Variants in PDE1C observed in about 807,000 individuals in gnomAD.
PDE1C encodes phosphodiesterase 1C, also known as dual specificity calcium/calmodulin-dependent 3',5'-cyclic nucleotide phosphodiesterase 1C.
Under a neutral mutation model 93.1 loss-of-function variants are expected in PDE1C, and 62 were observed. The observed-to-expected ratio is 0.67, with a 90% confidence interval of 0.54 to 0.82. PDE1C has a LOEUF of 0.82. PDE1C is among the 40% of genes least tolerant of loss of function. The pLI is 0.00. For synonymous variants in PDE1C, 325 were observed against 310.1 expected (o/e 1.05, Z -0.50); for missense variants, 742 against 884.6 (o/e 0.84, Z 2.04).
chr7:32,138,996 A>C (rs759370147), intron 3 of PDE1C, among the ~76,000 whole-genome samples: 12 of 152,200 alleles, frequency 7.9e-5, no homozygotes, highest in Admixed American at 6.5e-4. Context: ...GTAATGGAGG[A>C]AAATGTACCT....
the PDE1C span, among the ~76,000 whole-genome samples, chr7:31,687,508 A>AG: frequency 1.3e-5 from 2 of 152,206 alleles, no homozygotes; most frequent in African/African-American, 4.8e-5. Flanking sequence ...GTTCTGTAAA[A>AG]GACTGAACCC....
chr7:32,044,935 G>A (rs868010793), intron 2 of PDE1C, among the ~76,000 whole-genome samples: 8 of 151,932 alleles, frequency 5.3e-5, no homozygotes, highest in Non-Finnish European at 1.0e-4. Context: ...CTACCCAGAC[G>A]AAGTGCCTGA....
intron 2 of PDE1C, among the ~76,000 whole-genome samples, chr7:31,920,273 A>G (rs1802433568): frequency 6.6e-6 from 1 of 152,140 alleles, no homozygotes; most frequent in African/African-American, 2.4e-5. Context: ...ACACACAGAT[A>G]TCTCCAGGAT....
intron 3 of PDE1C, among the ~76,000 whole-genome samples, chr7:32,101,625 C>A (rs940719331): frequency 1.3e-5 from 2 of 152,204 alleles, no homozygotes; most frequent in Non-Finnish European, 2.9e-5. Flanking sequence ...CTTTGCCTTA[C>A]ACAATGATTG....
intron 2 of PDE1C, among the ~76,000 whole-genome samples, chr7:31,912,363 G>A (rs372468367): frequency 6.6e-6 from 1 of 152,110 alleles, no homozygotes; most frequent in Admixed American, 6.6e-5. Flanking sequence ...GGGAGAGGAA[G>A]TACTATTTTT....
the PDE1C span, among the ~76,000 whole-genome samples, chr7:31,634,915 A>G: frequency 6.6e-6 from 1 of 152,168 alleles, no homozygotes; most frequent in Non-Finnish European, 1.5e-5. Context: ...ACTGAGGGCA[A>G]TGAGACGTCT....
chr7:31,723,425 G>C, the PDE1C span, among the ~76,000 whole-genome samples: 1 of 152,198 alleles, frequency 6.6e-6, no homozygotes, highest in Non-Finnish European at 1.5e-5. Context: ...CAGGGAGTTG[G>C]TGGAGCCTGC....
intron 1 of PDE1C, among the ~76,000 whole-genome samples, chr7:32,273,692 A>G (rs1392628545): frequency 6.6e-6 from 1 of 152,178 alleles, no homozygotes; most frequent in Non-Finnish European, 1.5e-5. Flanking sequence ...AGACTTGTAC[A>G]CCGATTTGTG....
intron 1 of PDE1C, among the ~76,000 whole-genome samples, chr7:32,229,581 C>T (rs760042813): frequency 6.6e-6 from 1 of 152,214 alleles, no homozygotes; most frequent in Non-Finnish European, 1.5e-5. Flanking sequence ...ATGTTCATAT[C>T]AAGTTCTTCA....
chr7:31,765,553 T>C (rs999987328), intron 17 of PDE1C, among the ~76,000 whole-genome samples: 1 of 152,194 alleles, frequency 6.6e-6, no homozygotes, highest in African/African-American at 2.4e-5. Context: ...TTGTTCACAC[T>C]AACAGTGGCC....
At chr7:31,754,888 A>T (rs1317887887) in intron 17 of PDE1C, among the ~76,000 whole-genome samples, 1 of 152,234 alleles carries the variant, frequency 6.6e-6, no homozygotes, top group Non-Finnish European at 1.5e-5. Flanking sequence ...AATGTATGCA[A>T]ATAAAAAAAC....
chr7:31,924,889 A>G (rs536819978), intron 2 of PDE1C, among the ~76,000 whole-genome samples: 1 of 152,242 alleles, frequency 6.6e-6, no homozygotes, highest in Non-Finnish European at 1.5e-5. Context: ...TAGAGCTAAC[A>G]GCCAAAAAGC....
At chr7:31,641,174 G>T in the PDE1C span, among the ~76,000 whole-genome samples, 4 of 152,292 alleles carry the variant, frequency 2.6e-5, no homozygotes, top group South Asian at 8.3e-4. Context: ...GTCCAGCAGA[G>T]ATCTAAGCAG....
At chr7:32,166,311 C>T (rs750233820) in intron 3 of PDE1C, among the ~76,000 whole-genome samples, 8 of 152,136 alleles carry the variant, frequency 5.3e-5, no homozygotes, top group Non-Finnish European at 8.8e-5. Context: ...CCAATTTTCG[C>T]ACCTGGATAG....
At chr7:32,251,521 G>A (rs2128875578) in intron 1 of PDE1C, among the ~76,000 whole-genome samples, 1 of 152,120 alleles carries the variant, frequency 6.6e-6, no homozygotes, top group Middle Eastern at 3.4e-3. Context: ...CCACTTCCAG[G>A]ATGATCCTAG....
chr7:32,085,940 A>G (rs1193748349), intron 3 of PDE1C, among the ~76,000 whole-genome samples: 63 of 149,890 alleles, frequency 4.2e-4, no homozygotes, highest in Middle Eastern at 3.4e-3. Context: ...TTGAAAACTG[A>G]CACAAGACAG....
chr7:32,242,536 T>C (rs1237460241), intron 1 of PDE1C, among the ~76,000 whole-genome samples: 1 of 152,128 alleles, frequency 6.6e-6, no homozygotes, highest in African/African-American at 2.4e-5. Context: ...CTTTGGTAAA[T>C]CAAAATCACC....
chr7:32,254,406 G>C (rs957248824), intron 1 of PDE1C, among the ~76,000 whole-genome samples: 1 of 152,066 alleles, frequency 6.6e-6, no homozygotes, highest in Admixed American at 6.5e-5. Flanking sequence ...TGTTGGCCCT[G>C]GTGGAAAAAG....
At chr7:32,027,952 T>C (rs886912742) in intron 2 of PDE1C, among the ~76,000 whole-genome samples, 1 of 152,050 alleles carries the variant, frequency 6.6e-6, no homozygotes, top group Admixed American at 6.6e-5. Flanking sequence ...TAATCACCTT[T>C]AGGTACTAAA....
Sources: gnomAD v4.1 joint callset for allele counts (sites outside exome capture counted in the v4.1 genomes callset) on GRCh38, gnomAD v4.1.1 for gene constraint, MANE v1.5 for transcripts, NCBI Gene and HGNC (gene_info 2026-07-23, HGNC 2026-07-21) for gene names.